PCDH12: variants seen among roughly 807,000 people sequenced by gnomAD.
The protein encoded by PCDH12 is protocadherin-12.
In PCDH12, 45 loss-of-function variants were observed where a neutral mutation model predicts 70.9. The ratio of observed to expected loss-of-function variants is 0.63; its 90% CI spans 0.50 to 0.81. PCDH12 has a LOEUF of 0.81. PCDH12 is among the 40% of genes least tolerant of loss of function. The probability of loss-of-function intolerance (pLI) is 0.00; values close to 1 mark genes in which losing one functional copy is unlikely to be tolerated. For missense variants in PCDH12, 1,370 were observed against 1,491.7 expected, an observed-to-expected ratio of 0.92 and a Z score of 1.34; for synonymous variants, 567 against 626.0, an observed-to-expected ratio of 0.91 and a Z score of 1.41.
Position 141,955,970 on chromosome 5 carries a change from A to C in PCDH12, c.1882T>G (p.Ser628Ala). 6.2e-7 allele frequency: 1 copy of C among 1,614,160 alleles called. No homozygotes were observed. ...TAGAGGGGCTCTCCATTTGCCCCCG[A>C]GTCTGCATCTCTTGCCACAATGGTT... ...LTTIVARDAD[S>A]GANGEPLYSI... The change falls in exon 1 of 4, where the codon TCG becomes GCG. Residue 628 changes from serine (S) to alanine (A), a missense_variant. Transcript: ENST00000231484. This position sits in a 1 kb window ranked among gnomAD's most constrained non-coding sequence, Gnocchi z 5.5.
At chr5:141,946,472 C>T (rs1030499863) in intron 3 of PCDH12, among the ~76,000 whole-genome samples, 1 of 152,158 alleles carries the variant, frequency 6.6e-6, no homozygotes, top group Non-Finnish European at 1.5e-5. Context: ...ATGATGGCAC[C>T]ACCCTACCCT....
chr5:141,951,665 A>G (rs189871926), intron 1 of PCDH12, 75 bp from the exon 2 acceptor site: 5 of 1,041,786 alleles, frequency 4.8e-6, no homozygotes, highest in Admixed American at 3.4e-5. Context: ...GTTTCCCTCA[A>G]TGCCGGTGCT....
Position 141,957,982 on chromosome 5 carries a change from C to G in PCDH12, c.-131G>C. 2 of 1,036,230 alleles carry G rather than the reference C, an allele frequency of 1.9e-6. No individual in the cohort carries two copies. The highest frequency in any genetic ancestry group is 2.8e-6 in the Non-Finnish European group (2 of 724,742). 64.2% of individuals were successfully genotyped at this position (1,036,230 alleles called of 1,614,324 possible). ...CCCAGAGCTGCCGGCACAACCTTGT[C>G]CCATAGTTAGATGATTATGAAACAA... On this transcript the variant is annotated 5_prime_UTR_variant, in exon 1 of 4. Coordinates refer to ENST00000231484, the MANE Select transcript of PCDH12 (RefSeq NM_016580.4). This position sits in a 1 kb window ranked among gnomAD's most constrained non-coding sequence, Gnocchi z 4.3.
rs1214147762 is a variant in PCDH12, at chr5:141,945,288, G to A, written c.*93C>T. 7.6e-6 allele frequency: 11 copies of A among 1,451,926 alleles called. No homozygotes were observed. The highest frequency in any genetic ancestry group is 1.8e-4 in the Middle Eastern group (1 of 5,548). The allele number at this position is 1,451,926 out of a possible 1,614,324, so 89.9% of individuals were successfully genotyped here. On this transcript the variant is annotated 3_prime_UTR_variant, in exon 4 of 4. Coordinates refer to ENST00000231484, the MANE Select transcript of PCDH12 (RefSeq NM_016580.4). ...GTCACCCTAAAGTTCTCAGGCCGCC[G>A]CTAGCTAGTGAGTTACAAGATTTTA...
chr5:141,950,874 A>T lies in PCDH12; in HGVS notation c.2978+619T>A, dbSNP rs1026414857. On this transcript the variant is annotated intron_variant, in intron 2 of 3. Coordinates refer to ENST00000231484, the MANE Select transcript of PCDH12 (RefSeq NM_016580.4). Reference sequence around the variant, plus strand: ...GGGCTATGGGCTTAGAATACAATTGATTATGAAATCCTCACCCCATTACCA... The same window carrying T: ...GGGCTATGGGCTTAGAATACAATTGTTTATGAAATCCTCACCCCATTACCA... Among the ~76,000 whole-genome samples the T allele has an allele frequency of 3.3e-5, 5 of 152,148 alleles. 1 individual carries two copies. Among genetic ancestry groups the T allele is most frequent in the Admixed American group, 6.5e-5 (1 of 15,274 alleles).
rs1029364113 is a variant in PCDH12 at position 141,957,077 on chromosome 5, G to A, written c.775C>T (p.Pro259Ser). The A allele has an allele frequency of 6.2e-7, 1 of 1,614,180 alleles. No homozygotes were observed. The highest frequency in any genetic ancestry group is 1.1e-5 in the South Asian group (1 of 91,080). ...LALEIQEDAA[P>S]GTLLIKLTAT... ...GTCAGTTTTATGAGAAGCGTACCAGGTGCAGCATCTTCTTGGATTTCCAGT... is the reference window on the plus strand; with the variant it reads ...GTCAGTTTTATGAGAAGCGTACCAGATGCAGCATCTTCTTGGATTTCCAGT... The change falls in exon 1 of 4, where the codon CCT becomes TCT. Residue 259 changes from proline (P) to serine (S), a missense_variant. Pro to Ser is a moderately conservative substitution (Grantham distance 74). Transcript: ENST00000231484. The surrounding 1 kb of genome is among the most constrained non-coding windows in gnomAD (Gnocchi z 4.3).
chr5:141,955,177 CCAGCCAGCCTCCCTGTGGGG>C lies in PCDH12; in HGVS notation c.2655_2674del (p.Ser885ArgfsTer6). 1 of 1,614,178 alleles carries C rather than the reference CCAGCCAGCCTCCCTGTGGGG, an allele frequency of 6.2e-7. No individual in the cohort carries two copies. The highest frequency in any genetic ancestry group is 8.5e-7 in the Non-Finnish European group (1 of 1,180,036). The stretch of plus-strand genomic sequence containing the variant: ...TGGGGCTTCCTCACTGCCCTGGTCT[CCAGCCAGCCTCCCTGTGGGG>C]CTGCCTGCAACCTTCAGAGGCCTGG... On this transcript the variant is annotated frameshift_variant, in exon 1 of 4. Coordinates refer to ENST00000231484, the MANE Select transcript of PCDH12 (RefSeq NM_016580.4). LOFTEE classifies it high-confidence loss of function. The surrounding 1 kb of genome is among the most constrained non-coding windows in gnomAD (Gnocchi z 5.5).
At position 141,955,827 on chromosome 5, in the gene PCDH12, T is replaced by A; in HGVS notation, c.2025A>T (p.Ile675=). 1 of 1,614,038 alleles carries A rather than the reference T, an allele frequency of 6.2e-7. No individual in the cohort carries two copies. The highest frequency in any genetic ancestry group is 8.5e-7 in the Non-Finnish European group (1 of 1,179,972). Residue 675 remains isoleucine, a synonymous_variant, in exon 1 of 4, where the codon ATA becomes ATT. Coordinates refer to ENST00000231484, the MANE Select transcript of PCDH12 (RefSeq NM_016580.4). This position sits in a 1 kb window ranked among gnomAD's most constrained non-coding sequence, Gnocchi z 5.5. ...SLIGSEWELE[I]VVEDQGSPPL... ...GGGGGCTTCCCTGGTCCTCTACTAC[T>A]ATCTCCAGCTCCCACTCACTCCCAA...
In PCDH12 at chr5:141,957,556, C is replaced by A. The variant is rs151047883; in HGVS notation, c.296G>T (p.Arg99Leu). The change falls in exon 1 of 4, where the codon CGA (arginine) becomes CTA (leucine). Residue 99 changes from arginine to leucine, a missense_variant. Transcript: ENST00000231484. This position sits in a 1 kb window ranked among gnomAD's most constrained non-coding sequence, Gnocchi z 4.3. The part of the protein sequence containing the change: ...GRRLDREQLC[R>L]QWDPCLVSFD... ...GGAAACCAGGCAGGGATCCCACTGT[C>A]GGCACAGCTGCTCTCGATCCAGCCG... 6.2e-7 allele frequency: 1 copy of A among 1,614,200 alleles called. No individual in the cohort carries two copies. The highest frequency in any genetic ancestry group is 8.5e-7 in the Non-Finnish European group (1 of 1,180,040).
At chr5:141,951,648 G>T (rs558379172) in intron 1 of PCDH12, 58 bp from the exon 2 acceptor site, 10 of 1,251,174 alleles carry the variant, frequency 8.0e-6, no homozygotes, top group African/African-American at 7.4e-5. Context: ...ACACTTCCTC[G>T]CCGGATGTTT....
rs59930617 is a variant in PCDH12 at position 141,945,409 on chromosome 5, C to CTGCTGCTAG, written c.3526_3527insCTAGCAGCA (p.Gly1176delinsAlaSerSerSer). 11 of 1,613,248 alleles carry CTGCTGCTAG rather than the reference C, an allele frequency of 6.8e-6. No individual in the cohort carries two copies. Among genetic ancestry groups the CTGCTGCTAG allele is most frequent in the East Asian group, 4.5e-5 (2 of 44,874 alleles). On this transcript the variant is annotated protein_altering_variant, in exon 4 of 4. Transcript: ENST00000231484. ...CAGGCACCTGCTGCTGCTGCTGCTG[C>CTGCTGCTAG]CTCTGCTCTTGCCCTCAGTCCCCGT...
intron 1 of PCDH12, chr5:141,953,286 T>TA (rs1296455917): frequency 2.6e-5 from 4 of 152,136 alleles, no homozygotes; most frequent in Non-Finnish European, 5.9e-5. Flanking sequence ...TCCTCAACAG[T>TA]AAAAAAAGTG....
chr5:141,947,010 G>T (rs1752951875), intron 3 of PCDH12, among the ~76,000 whole-genome samples: 1 of 152,030 alleles, frequency 6.6e-6, no homozygotes, highest in Non-Finnish European at 1.5e-5. Flanking sequence ...AAGGAGATAT[G>T]TCAAAATGTT....
At chr5:141,947,345 A>G (rs1301388897) in intron 3 of PCDH12, among the ~76,000 whole-genome samples, 1 of 152,262 alleles carries the variant, frequency 6.6e-6, no homozygotes, top group Non-Finnish European at 1.5e-5. Context: ...CTCTGAGGCT[A>G]TAAGGTTGGA....
intron 3 of PCDH12, 141 bp downstream of exon 3, chr5:141,949,291 G>A: frequency 1.4e-6 from 2 of 1,472,862 alleles, no homozygotes; most frequent in East Asian, 4.8e-5. Context: ...GAGGCTGCAA[G>A]GGTGCAAGGG....
chr5:141,957,451 C>T lies in PCDH12; in HGVS notation c.401G>A (p.Arg134Gln), dbSNP rs563608960. The change falls in exon 1 of 4, where the codon CGG becomes CAG. Residue 134 changes from arginine to glutamine, a missense_variant. Coordinates refer to ENST00000231484, the MANE Select transcript of PCDH12 (RefSeq NM_016580.4). The surrounding 1 kb of genome is among the most constrained non-coding windows in gnomAD (Gnocchi z 4.3). ...CAGCTCCTGCTCGCCTTTGGGAAACCGTGGCTGGTGGTCATTGATGTCCAG... is the reference window on the plus strand; with the variant it reads ...CAGCTCCTGCTCGCCTTTGGGAAACTGTGGCTGGTGGTCATTGATGTCCAG... ...QVLDINDHQPRFPKGEQELEI... is the reference protein window; with the variant it reads ...QVLDINDHQPQFPKGEQELEI... 1.5e-5 allele frequency: 24 copies of T among 1,612,212 alleles called. No individual in the cohort carries two copies. Among genetic ancestry groups the T allele is most frequent in the East Asian group, 2.2e-5 (1 of 44,856 alleles).
rs941997917 is a variant in PCDH12, at chr5:141,945,321, G to T, written c.*60C>A. Reference sequence around the variant, plus strand: ...GTGAGTTACAAGATTTTAGAAACCAGCTCTTGTCCACAGATCCTCAGGCCC... The same window carrying T: ...GTGAGTTACAAGATTTTAGAAACCATCTCTTGTCCACAGATCCTCAGGCCC... On this transcript the variant is annotated 3_prime_UTR_variant, in exon 4 of 4. Transcript: ENST00000231484. The T allele has an allele frequency of 1.4e-5, 22 of 1,526,854 alleles. No individual in the cohort carries two copies. The African/African-American group carries it at 3.1e-4, about 21-fold the overall frequency. 94.6% of individuals were successfully genotyped at this position (1,526,854 alleles called of 1,614,324 possible).
Position 141,955,893 on chromosome 5 carries a change from C to G in PCDH12, c.1959G>C (p.Thr653=), listed in dbSNP as rs951387602. 1.9e-6 allele frequency: 3 copies of G among 1,614,036 alleles called. No homozygotes were observed. The highest frequency in any genetic ancestry group is 8.5e-7 in the Non-Finnish European group (1 of 1,180,046). The part of the protein sequence containing the change: ...EAHLFILNPH[T]GQLFVNVTNA... ...TGGTGACATTGACGAACAGCTGCCCCGTATGAGGGTTGAGGATGAAGAGGT... is the reference window on the plus strand; with the variant it reads ...TGGTGACATTGACGAACAGCTGCCCGGTATGAGGGTTGAGGATGAAGAGGT... The change falls in exon 1 of 4, where the codon ACG becomes ACC. Residue 653 remains threonine, a synonymous_variant. Coordinates refer to ENST00000231484, the MANE Select transcript of PCDH12 (RefSeq NM_016580.4). The surrounding 1 kb of genome is among the most constrained non-coding windows in gnomAD (Gnocchi z 5.5).
rs1417368583 is a variant in PCDH12 at position 141,945,133 on chromosome 5, C to T, written c.*248G>A. The T allele has an allele frequency of 1.3e-5, 7 of 546,428 alleles. No homozygotes were observed. Among genetic ancestry groups the T allele is most frequent in the Non-Finnish European group, 1.9e-5 (6 of 308,104 alleles). The allele number at this position is 546,428 out of a possible 1,614,324, so 33.8% of individuals were successfully genotyped here. On this transcript the variant is annotated 3_prime_UTR_variant, in exon 4 of 4. Coordinates refer to ENST00000231484, the MANE Select transcript of PCDH12 (RefSeq NM_016580.4). The stretch of plus-strand genomic sequence containing the variant: ...CCCTTTGTGCTCCACATATGTTTTG[C>T]CAGGAAACACTTATCTCAGCCACAA...
Sources: gnomAD v4.1 joint callset for allele counts (sites outside exome capture counted in the v4.1 genomes callset) on GRCh38, gnomAD v4.1.1 for gene constraint, Gnocchi (gnomAD v3.1) non-coding constraint, MANE v1.5 for transcripts, NCBI Gene and HGNC (gene_info 2026-07-23, HGNC 2026-07-21) for gene names.